Variants in COL6A6 observed in about 807,000 individuals in gnomAD.
The protein encoded by COL6A6 is collagen type VI alpha 6 chain.
COL6A6 carries 183 observed loss-of-function variants against 208.6 expected under a neutral mutation model. The observed-to-expected ratio is 0.88, with a 90% CI of 0.78 to 0.99. The LOEUF (loss-of-function observed/expected upper bound fraction) is 0.99. Among genes scored for constraint, COL6A6 ranks in the 50% least tolerant of loss-of-function variants. The pLI, the probability that COL6A6 is intolerant of heterozygous loss-of-function variation, is 0.00. For synonymous variants in COL6A6, 973 were observed against 1,011.8 expected, an observed-to-expected ratio of 0.96 and a Z score of 0.73; for missense variants, 2,816 against 2,815.2, an observed-to-expected ratio of 1.00 and a Z score of -0.01.
intron 4 of COL6A6, among the ~76,000 whole-genome samples, chr3:130,566,074 G>T (rs1337098648): frequency 1.3e-5 from 2 of 152,146 alleles, no homozygotes; most frequent in Admixed American, 1.3e-4. Flanking sequence ...GTAATTTGTT[G>T]TGGGGTACCA....
chr3:130,631,217 A>G (rs2065000461), intron 26 of COL6A6, among the ~76,000 whole-genome samples: 1 of 85,070 alleles, frequency 1.2e-5, no homozygotes, highest in African/African-American at 9.7e-5. Flanking sequence ...TAAAGGGGAT[A>G]TCACCACCGA....
chr3:130,625,635 A>G (rs1372990260), intron 24 of COL6A6, among the ~76,000 whole-genome samples: 2 of 152,210 alleles, frequency 1.3e-5, no homozygotes, highest in Non-Finnish European at 2.9e-5. Flanking sequence ...GGTCAAGGTT[A>G]TCAAAAAGTC....
rs142113456 is a variant in COL6A6, at chr3:130,648,134, G to A, written c.5240-935G>A. Among the ~76,000 whole-genome samples the A allele has an allele frequency of 1.5e-3, 228 of 152,322 alleles. 3 individuals carry two copies. Among genetic ancestry groups the A allele is most frequent in the African/African-American group, 5.2e-3 (216 of 41,570 alleles). On this transcript the variant is annotated intron_variant, in intron 32 of 36. Coordinates refer to ENST00000358511, the MANE Select transcript of COL6A6 (RefSeq NM_001102608.3). Reference sequence around the variant, plus strand: ...GAAATTAGAATGATTTGGAACCAATGAGTATGGATGCATAAATATGCAATT... The same window carrying A: ...GAAATTAGAATGATTTGGAACCAATAAGTATGGATGCATAAATATGCAATT...
intron 1 of COL6A6, among the ~76,000 whole-genome samples, chr3:130,542,898 C>CTTTTTTTTTTTTTTTTTT (rs56339748): frequency 2.2e-5 from 2 of 92,614 alleles, no homozygotes; most frequent in Admixed American, 1.2e-4. Flanking sequence ...TCCATTCACT[C>CTTTTTTTTTTTTTTTTTT]TTTTTTTTTT....
chr3:130,583,045 A>C (rs2063460521), intron 10 of COL6A6, among the ~76,000 whole-genome samples: 1 of 152,148 alleles, frequency 6.6e-6, no homozygotes, highest in African/African-American at 2.4e-5. Flanking sequence ...TTTCTTCTGA[A>C]AGTGCTTCCT....
intron 1 of COL6A6, among the ~76,000 whole-genome samples, chr3:130,555,858 AAACTC>A (rs1372484255): frequency 2.6e-5 from 4 of 151,690 alleles, no homozygotes; most frequent in Admixed American, 2.0e-4. Flanking sequence ...CATTTCTGAG[AAACTC>A]AACTTGATAG....
chr3:130,658,875 T>G, intron 34 of COL6A6, 103 bp downstream of exon 34: 2 of 772,824 alleles, frequency 2.6e-6, no homozygotes, highest in Non-Finnish European at 2.2e-6. Context: ...ACTTATGGCC[T>G]TGGGAGGACC....
intron 13 of COL6A6, among the ~76,000 whole-genome samples, chr3:130,591,327 G>A (rs1453099718): frequency 2.0e-5 from 3 of 152,138 alleles, no homozygotes; most frequent in Non-Finnish European, 4.4e-5. Context: ...ATTCAATGCG[G>A]AAGTAACCTC....
chr3:130,551,607 A>C (rs2062642648), intron 1 of COL6A6, among the ~76,000 whole-genome samples: 1 of 138,592 alleles, frequency 7.2e-6, no homozygotes, highest in African/African-American at 2.7e-5. Flanking sequence ...CAAAGAACCA[A>C]CCCTGGATTT....
chr3:130,616,308 A>C (rs2064519608), intron 23 of COL6A6, among the ~76,000 whole-genome samples: 1 of 152,162 alleles, frequency 6.6e-6, no homozygotes, highest in African/African-American at 2.4e-5. Context: ...TTTTCTTAGG[A>C]TATACGTTTA....
chr3:130,594,440 A>G, intron 18 of COL6A6, 97 bp downstream of exon 18: 1 of 879,986 alleles, frequency 1.1e-6, no homozygotes, highest in Non-Finnish European at 1.8e-6. Context: ...AGTAACCCTG[A>G]GTTTAAAACA....
At chr3:130,658,908 C>CA (rs1316555502) in intron 34 of COL6A6, 136 bp downstream of exon 34, 1 of 626,354 alleles carries the variant, frequency 1.6e-6, no homozygotes, top group Non-Finnish European at 2.9e-6. Context: ...TGGGCCCACC[C>CA]TGTCACACTT....
At chr3:130,533,431 T>C (rs1483429516) in intron 1 of COL6A6, among the ~76,000 whole-genome samples, 3 of 152,204 alleles carry the variant, frequency 2.0e-5, no homozygotes, top group African/African-American at 4.8e-5. Context: ...TGTTCCTTCT[T>C]CTTGCATGAC....
intron 20 of COL6A6, 29 bp downstream of exon 20, chr3:130,599,839 A>G (rs1560049123): frequency 1.2e-6 from 2 of 1,610,608 alleles, no homozygotes; most frequent in Non-Finnish European, 1.7e-6. Context: ...AAGGAGACCC[A>G]CTGTTTTGGT....
rs2062950352 is a variant in COL6A6 at position 130,563,717 on chromosome 3, A to T, written c.661+53A>T. 3 of 1,220,416 alleles carry T rather than the reference A, an allele frequency of 2.5e-6. No individual in the cohort carries two copies. The Admixed American group carries it at 6.5e-5, about 26-fold the overall frequency. 75.6% of individuals were successfully genotyped at this position (1,220,416 alleles called of 1,614,324 possible). A position where few individuals can be genotyped will look rare whatever the true frequency, so the allele number is the denominator to read the frequency against. On this transcript the variant is annotated intron_variant, in intron 3 of 36. Coordinates refer to ENST00000358511, the MANE Select transcript of COL6A6 (RefSeq NM_001102608.3). Reference sequence around the variant, plus strand: ...GATGATAAAACGCTTTTGAAAAATTAAAATGGGGAGAGGATTGAAATTCTA... The same window carrying T: ...GATGATAAAACGCTTTTGAAAAATTTAAATGGGGAGAGGATTGAAATTCTA...
intron 13 of COL6A6, among the ~76,000 whole-genome samples, chr3:130,592,094 A>T (rs371775257): frequency 6.6e-6 from 1 of 152,126 alleles, no homozygotes; most frequent in Admixed American, 6.5e-5. Context: ...TGTGTCTTCT[A>T]GTTGGTGGGC....
intron 11 of COL6A6, 58 bp from the exon 12 acceptor site, chr3:130,589,032 A>T: frequency 7.6e-7 from 1 of 1,314,300 alleles, no homozygotes; most frequent in Non-Finnish European, 1.1e-6. Context: ...TTGAACTTGT[A>T]TATGAGATTT....
At chr3:130,521,678 G>C (rs2107664531) in intron 1 of COL6A6, among the ~76,000 whole-genome samples, 1 of 152,248 alleles carries the variant, frequency 6.6e-6, no homozygotes, top group South Asian at 2.1e-4. Flanking sequence ...CTGTGACTCT[G>C]TCTGAGGGCT....
Position 130,662,289 on chromosome 3 carries a change from CT to C in COL6A6, c.6486del (p.Phe2162LeufsTer2), listed in dbSNP as rs1370942770. Reference sequence around the variant, plus strand: ...GTTATGGTGTGAAGTTTGTGAAGTCCTTTATAAACTCAATCAGGCGTAAGTC... The same window carrying C: ...GTTATGGTGTGAAGTTTGTGAAGTCCTTATAAACTCAATCAGGCGTAAGTC... ...HSYGVKFVKS[F>X]INSIRRAINK... On this transcript the variant is annotated frameshift_variant, in exon 35 of 37. Coordinates refer to ENST00000358511, the MANE Select transcript of COL6A6 (RefSeq NM_001102608.3). LOFTEE classifies it high-confidence loss of function. 6.2e-7 allele frequency: 1 copy of C among 1,612,836 alleles called. No individual in the cohort carries two copies. The highest frequency in any genetic ancestry group is 8.5e-7 in the Non-Finnish European group (1 of 1,179,168).
Sources: gnomAD v4.1 joint callset for allele counts (sites outside exome capture counted in the v4.1 genomes callset) on GRCh38, gnomAD v4.1.1 for gene constraint, MANE v1.5 for transcripts, NCBI Gene and HGNC (gene_info 2026-07-23, HGNC 2026-07-21) for gene names.